Variants in CADM1 observed in about 807,000 individuals in gnomAD.
The protein encoded by CADM1 is TSLC-1.
In CADM1, 15 loss-of-function variants were observed where a neutral mutation model predicts 53.1. That is an observed-to-expected ratio of 0.28 (90% CI 0.19 to 0.44). CADM1 has a LOEUF of 0.44. Ranked by LOEUF, CADM1 falls within the 20% of genes least tolerant of loss-of-function variation. The pLI is 1.00. For missense variants in CADM1, 434 were observed against 611.3 expected, an observed-to-expected ratio of 0.71 and a Z score of 3.06; for synonymous variants, 281 against 243.0, an observed-to-expected ratio of 1.16 and a Z score of -1.45.
intron 1 of CADM1, among the ~76,000 whole-genome samples, chr11:115,289,290 G>T (rs906590044): frequency 2.6e-5 from 4 of 152,022 alleles, no homozygotes; most frequent in African/African-American, 9.7e-5. Context: ...GTTTGAACCC[G>T]CAGGGTGGAG....
chr11:115,246,332 C>G (rs1942406649), intron 1 of CADM1, among the ~76,000 whole-genome samples: 1 of 152,200 alleles, frequency 6.6e-6, no homozygotes, highest in Admixed American at 6.5e-5. Flanking sequence ...CAAAGACTGT[C>G]TACTTAATGG....
intron 10 of CADM1, among the ~76,000 whole-genome samples, chr11:115,190,076 G>A (rs1418375219): frequency 6.6e-6 from 1 of 152,192 alleles, no homozygotes; most frequent in East Asian, 1.9e-4. Flanking sequence ...AGTGTCTACA[G>A]TCCTATGACT....
chr11:115,475,480 G>C (rs1296211487), intron 1 of CADM1, among the ~76,000 whole-genome samples: 1 of 152,066 alleles, frequency 6.6e-6, no homozygotes, highest in African/African-American at 2.4e-5. Context: ...CAGATACATA[G>C]CCACATTACT....
intron 1 of CADM1, among the ~76,000 whole-genome samples, chr11:115,358,617 C>T (rs564735574): frequency 6.6e-6 from 1 of 152,258 alleles, no homozygotes; most frequent in East Asian, 1.9e-4. Flanking sequence ...CACAGCCGAA[C>T]CATATCAATT....
intron 1 of CADM1, chr11:115,399,500 A>G (rs1947083396): frequency 6.6e-6 from 1 of 152,190 alleles, no homozygotes. Context: ...TCCAAGCATA[A>G]GATTGTCACT....
intron 5 of CADM1, among the ~76,000 whole-genome samples, chr11:115,223,256 C>G (rs1941471936): frequency 6.6e-6 from 1 of 152,202 alleles, no homozygotes; most frequent in South Asian, 2.1e-4. Context: ...CCCAGGTGTT[C>G]TGCTTTACAT....
intron 1 of CADM1, among the ~76,000 whole-genome samples, chr11:115,429,811 T>C (rs1260955832): frequency 1.3e-5 from 2 of 152,122 alleles, no homozygotes; most frequent in African/African-American, 4.8e-5. Flanking sequence ...GTCCTAGTAA[T>C]AGTAGTGTCC....
intron 8 of CADM1, among the ~76,000 whole-genome samples, chr11:115,199,949 T>C (rs1032649291): frequency 6.6e-6 from 1 of 152,188 alleles, no homozygotes; most frequent in Non-Finnish European, 1.5e-5. Context: ...TGAAGCTTTT[T>C]TGGGGGGCAA....
At chr11:115,328,759 T>A (rs1485339046) in intron 1 of CADM1, among the ~76,000 whole-genome samples, 5 of 134,794 alleles carry the variant, frequency 3.7e-5, no homozygotes, top group Non-Finnish European at 6.3e-5. Context: ...GAATCCAATC[T>A]CTTTTGGGGG....
At chr11:115,192,445 T>C (rs1229585114) in intron 9 of CADM1, among the ~76,000 whole-genome samples, 1 of 152,266 alleles carries the variant, frequency 6.6e-6, no homozygotes, top group Non-Finnish European at 1.5e-5. Context: ...CCATTTGTTC[T>C]GAAATCTGAT....
At chr11:115,248,922 G>T (rs955686010) in intron 1 of CADM1, among the ~76,000 whole-genome samples, 9 of 152,084 alleles carry the variant, frequency 5.9e-5, no homozygotes, top group Non-Finnish European at 1.2e-4. Context: ...GGAGAAGGGG[G>T]GCTCTTAAAA....
intron 1 of CADM1, among the ~76,000 whole-genome samples, chr11:115,281,131 G>A (rs1270281880): frequency 2.6e-5 from 4 of 152,198 alleles, no homozygotes; most frequent in Admixed American, 2.6e-4. Context: ...ATGGAAAAGG[G>A]CTACAGAAAG....
intron 1 of CADM1, chr11:115,396,816 T>C (rs1218315597): frequency 6.6e-6 from 1 of 151,606 alleles, no homozygotes; most frequent in African/African-American, 2.4e-5. Context: ...TAAACATTAC[T>C]GGCCAAGTAA....
chr11:115,198,861 T>TG (rs1940287737), intron 8 of CADM1, among the ~76,000 whole-genome samples: 1 of 152,224 alleles, frequency 6.6e-6, no homozygotes, highest in Admixed American at 6.5e-5. Context: ...ATTCAAACAT[T>TG]GCCTTTGTTT....
intron 5 of CADM1, among the ~76,000 whole-genome samples, chr11:115,222,651 G>A (rs1394378123): frequency 3.9e-5 from 6 of 152,112 alleles, no homozygotes; most frequent in Non-Finnish European, 7.4e-5. Context: ...ATTGTGAGTG[G>A]GATGAGTCAA....
chr11:115,325,352 G>C (rs1052772787), intron 1 of CADM1, among the ~76,000 whole-genome samples: 2 of 152,090 alleles, frequency 1.3e-5, no homozygotes, highest in Middle Eastern at 3.2e-3. Flanking sequence ...AAGGGTCCTT[G>C]CCAAAAAGAA....
intron 1 of CADM1, among the ~76,000 whole-genome samples, chr11:115,315,136 C>G (rs1194346555): frequency 2.6e-5 from 4 of 152,038 alleles, no homozygotes; most frequent in Non-Finnish European, 4.4e-5. Flanking sequence ...ACACTAAAAT[C>G]AATTTCCTAC....
At chr11:115,464,606 C>T (rs942778867) in intron 1 of CADM1, among the ~76,000 whole-genome samples, 1 of 152,194 alleles carries the variant, frequency 6.6e-6, no homozygotes, top group African/African-American at 2.4e-5. Context: ...GCATGGTTTA[C>T]AGAAACCAGT....
At chr11:115,185,748 G>A (rs748827021) in intron 10 of CADM1, among the ~76,000 whole-genome samples, 3 of 152,184 alleles carry the variant, frequency 2.0e-5, no homozygotes, top group Non-Finnish European at 4.4e-5. Flanking sequence ...CAACAGGAAG[G>A]CACTGAGGAT....
Sources: gnomAD v4.1 joint callset for allele counts (sites outside exome capture counted in the v4.1 genomes callset) on GRCh38, gnomAD v4.1.1 for gene constraint, MANE v1.5 for transcripts, NCBI Gene and HGNC (gene_info 2026-07-23, HGNC 2026-07-21) for gene names.